BTG4: variants seen among roughly 807,000 people sequenced by gnomAD.
BTG4 encodes the protein BTG anti-proliferation factor 4.
A neutral mutation model predicts 19.3 loss-of-function variants in BTG4; 10 were observed. That is an observed-to-expected ratio of 0.52 (90% CI 0.32 to 0.88). The LOEUF is 0.88. Among genes scored for constraint, BTG4 ranks in the 40% least tolerant of loss-of-function variants. The pLI is 0.04. For synonymous variants in BTG4, 91 were observed against 95.7 expected (o/e 0.95, Z 0.29); for missense variants, 238 against 281.9 (o/e 0.84, Z 1.11).
At chr11:111,453,620 C>A in the BTG4 span, 1 of 423,306 alleles carries the variant, frequency 2.4e-6, no homozygotes, top group Non-Finnish European at 4.8e-6. Flanking sequence ...AGAGGCACCC[C>A]CAAATCCAAC....
intron 5 of BTG4, among the ~76,000 whole-genome samples, chr11:111,469,548 C>T (rs1460710011): frequency 6.6e-6 from 1 of 152,204 alleles, no homozygotes; most frequent in Non-Finnish European, 1.5e-5. Flanking sequence ...GCACGTACCA[C>T]TGCTTCACAG....
intron 5 of BTG4, among the ~76,000 whole-genome samples, chr11:111,477,473 A>G (rs1009181639): frequency 3.3e-5 from 5 of 152,294 alleles, no homozygotes; most frequent in Admixed American, 3.3e-4. Flanking sequence ...AAGATTTATT[A>G]TTTCAAAAGT....
chr11:111,432,817 A>C, the BTG4 span, among the ~76,000 whole-genome samples: 1 of 152,194 alleles, frequency 6.6e-6, no homozygotes, highest in African/African-American at 2.4e-5. Context: ...CTTCCTCAGA[A>C]ACCAGATCTT....
At chr11:111,451,124 G>T in the BTG4 span, 1 of 224,804 alleles carries the variant, frequency 4.4e-6, no homozygotes, top group Non-Finnish European at 9.7e-6. Context: ...GCATTACCCA[G>T]AGTATGACCT....
At position 111,498,623 on chromosome 11, in the gene BTG4, A is replaced by C. The variant is rs1466879794; in HGVS notation, c.154T>G (p.Ser52Ala). Residue 52 changes from serine to alanine, a missense_variant, in exon 2 of 5, where the codon TCT becomes GCT. By Grantham distance (99) the Ser-to-Ala change is moderately conservative (BLOSUM62 1). Transcript: ENST00000692032. Reference sequence around the variant, plus strand: ...TCTCACCTGAAGGCTTGCCCTTTAGAAGGGCAATCAGAGTGCCAGTGACTT... The same window carrying C: ...TCTCACCTGAAGGCTTGCCCTTTAGCAGGGCAATCAGAGTGCCAGTGACTT... Reference protein sequence around the residue: ...YRSHWHSDCPSKGQAFRCIRI... With the variant: ...YRSHWHSDCPAKGQAFRCIRI... 6.2e-7 allele frequency: 1 copy of C among 1,613,158 alleles called. No individual in the cohort carries two copies. The highest frequency in any genetic ancestry group is 1.7e-5 in the Admixed American group (1 of 59,800).
At chr11:111,460,450 C>G in the BTG4 span, 1 of 152,404 alleles carries the variant, frequency 6.6e-6, no homozygotes, top group Non-Finnish European at 1.5e-5. Flanking sequence ...GTGTTCCAGG[C>G]AACATGTTAG....
chr11:111,489,965 T>A (rs759934435), downstream of BTG4, among the ~76,000 whole-genome samples: 41 of 152,062 alleles, frequency 2.7e-4, no homozygotes, highest in Non-Finnish European at 1.5e-4. Context: ...GATAAGTTAC[T>A]GTACATTTTT....
At chr11:111,500,727 TA>T (rs1468620639) in intron 1 of BTG4, among the ~76,000 whole-genome samples, 1 of 151,914 alleles carries the variant, frequency 6.6e-6, no homozygotes, top group Non-Finnish European at 1.5e-5. Flanking sequence ...GCTCCACCCC[TA>T]AAGACTAGCA....
chr11:111,508,161 C>T (rs944258982), intron 1 of BTG4, among the ~76,000 whole-genome samples: 7 of 152,198 alleles, frequency 4.6e-5, no homozygotes, highest in Non-Finnish European at 1.5e-5. Flanking sequence ...CCAAGTCATG[C>T]AAAGTTTCCT....
chr11:111,424,185 A>T, the BTG4 span, among the ~76,000 whole-genome samples: 3 of 152,212 alleles, frequency 2.0e-5, no homozygotes, highest in Non-Finnish European at 2.9e-5. Context: ...GGCATCTCCC[A>T]TCCACAGCCC....
At chr11:111,457,228 G>C in the BTG4 span, 1 of 152,776 alleles carries the variant, frequency 6.5e-6, no homozygotes, top group African/African-American at 2.4e-5. Context: ...CAAGGTGCCC[G>C]TGCTGGCTGT....
In BTG4 at chr11:111,495,081, A is replaced by C. The variant is rs149934631; in HGVS notation, c.*54T>G. The C allele has an allele frequency of 3.9e-4, 557 of 1,434,794 alleles. 3 individuals are homozygous for C. In the East Asian group the frequency reaches 0.012, roughly 32 times the overall value. 88.9% of individuals were successfully genotyped at this position (1,434,794 alleles called of 1,614,324 possible). Reference sequence around the variant, plus strand: ...AACCTTAAATTCATTTTTATTTTAGAGAGAATAAAGGCACTCCTCTGAGCT... The same window carrying C: ...AACCTTAAATTCATTTTTATTTTAGCGAGAATAAAGGCACTCCTCTGAGCT... On this transcript the variant is annotated 3_prime_UTR_variant, in exon 5 of 5. Coordinates refer to ENST00000692032, the MANE Select transcript of BTG4 (RefSeq NM_001367975.1).
the BTG4 span, among the ~76,000 whole-genome samples, chr11:111,389,863 C>A: frequency 6.6e-6 from 1 of 152,158 alleles, no homozygotes; most frequent in Admixed American, 6.5e-5. Context: ...TGGAGGGAGG[C>A]AGAAGGAGAT....
chr11:111,393,467 G>T, the BTG4 span, among the ~76,000 whole-genome samples: 3 of 152,184 alleles, frequency 2.0e-5, no homozygotes, highest in Admixed American at 2.0e-4. Flanking sequence ...TGGTAGCTGA[G>T]TTCAGGTCTC....
chr11:111,428,794 G>A, the BTG4 span, among the ~76,000 whole-genome samples: 2,473 of 152,282 alleles, frequency 0.016, 68 homozygotes, highest in African/African-American at 0.057. Context: ...GTGAGAGGCA[G>A]GAATTTCTGC....
chr11:111,401,310 C>T, the BTG4 span, among the ~76,000 whole-genome samples: 3 of 148,344 alleles, frequency 2.0e-5, no homozygotes, highest in Admixed American at 6.8e-5. Flanking sequence ...GGTGAAAACC[C>T]GTCTCTACTA....
At chr11:111,384,711 G>A in the BTG4 span, 1 of 152,160 alleles carries the variant, frequency 6.6e-6, no homozygotes, top group Non-Finnish European at 1.5e-5. Context: ...GGAGGATGTT[G>A]CAAGAACTAT....
At chr11:111,484,712 A>T (rs1419191154) in intron 5 of BTG4, among the ~76,000 whole-genome samples, 1 of 152,138 alleles carries the variant, frequency 6.6e-6, no homozygotes, top group Non-Finnish European at 1.5e-5. Flanking sequence ...ACAAAGAAAG[A>T]CAGGAAGGAA....
chr11:111,424,662 A>T, the BTG4 span, among the ~76,000 whole-genome samples: 6 of 152,352 alleles, frequency 3.9e-5, no homozygotes, highest in African/African-American at 9.6e-5. Context: ...TTGTTTATTA[A>T]TTCAATAAAA....
Sources: gnomAD v4.1 joint callset for allele counts (sites outside exome capture counted in the v4.1 genomes callset) on GRCh38, gnomAD v4.1.1 for gene constraint, MANE v1.5 for transcripts, NCBI Gene and HGNC (gene_info 2026-07-23, HGNC 2026-07-21) for gene names.